Variants in ABL1 observed in about 807,000 individuals in gnomAD.
ABL1 encodes the protein tyrosine-protein kinase ABL1.
In ABL1, 11 loss-of-function variants were observed where a neutral mutation model predicts 94.7. The observed-to-expected ratio is 0.12, with a 90% CI of 0.07 to 0.19. ABL1 has a LOEUF of 0.19. Among genes scored for constraint, ABL1 ranks in the 10% least tolerant of loss-of-function variants. The pLI is 1.00. For synonymous variants in ABL1, 656 were observed against 622.4 expected (o/e 1.05, Z -0.80); for missense variants, 1,082 against 1,489.4 (o/e 0.73, Z 4.50).
intron 1 of ABL1, among the ~76,000 whole-genome samples, chr9:130,740,988 G>A (rs537597474): frequency 3.3e-5 from 5 of 152,132 alleles, no homozygotes; most frequent in Admixed American, 3.3e-4. Flanking sequence ...TGCATGGTGG[G>A]CTTAATGCCA....
intron 4 of ABL1, among the ~76,000 whole-genome samples, chr9:130,866,988 T>TAGA (rs1831168095): frequency 6.6e-6 from 1 of 152,228 alleles, no homozygotes; most frequent in Non-Finnish European, 1.5e-5. Flanking sequence ...GAGGCTGCAA[T>TAGA]TTTTTAATGA....
At chr9:130,773,840 A>G (rs1321164337) in intron 1 of ABL1, among the ~76,000 whole-genome samples, 1 of 152,106 alleles carries the variant, frequency 6.6e-6, no homozygotes, top group Admixed American at 6.6e-5. Context: ...TATAAAGTAT[A>G]CAATTTGATA....
intron 1 of ABL1, among the ~76,000 whole-genome samples, chr9:130,808,375 C>G (rs1830159243): frequency 6.6e-6 from 1 of 151,914 alleles, no homozygotes. Flanking sequence ...TCCCGAGTAA[C>G]TGGGACTACA....
At chr9:130,830,343 C>T (rs1830479643), upstream of ABL1, among the ~76,000 whole-genome samples, 2 of 152,204 alleles carry the variant, frequency 1.3e-5, no homozygotes, top group South Asian at 4.1e-4. Context: ...GAAGGACAGT[C>T]ATCTGTGCAG....
At chr9:130,721,421 T>C (rs570581401) in intron 1 of ABL1, among the ~76,000 whole-genome samples, 78 of 151,182 alleles carry the variant, frequency 5.2e-4, no homozygotes, top group African/African-American at 1.7e-3. Context: ...CTTAAAATTA[T>C]ACTAAGGCCA....
chr9:130,762,366 A>C (rs956196655), intron 1 of ABL1, among the ~76,000 whole-genome samples: 1 of 152,174 alleles, frequency 6.6e-6, no homozygotes, highest in African/African-American at 2.4e-5. Context: ...AATATAAAAC[A>C]TGGTAATTTT....
intron 1 of ABL1, among the ~76,000 whole-genome samples, chr9:130,779,118 G>T (rs1325565973): frequency 6.6e-6 from 1 of 152,198 alleles, no homozygotes; most frequent in Non-Finnish European, 1.5e-5. Context: ...CTTAGAATCA[G>T]TTTCTAATTA....
intron 1 of ABL1, among the ~76,000 whole-genome samples, chr9:130,796,766 TAAAA>T (rs11397002): frequency 2.0e-5 from 3 of 146,762 alleles, no homozygotes; most frequent in Non-Finnish European, 4.5e-5. Flanking sequence ...TGCCTTTTGT[TAAAA>T]AAAAAACAAA....
chr9:130,834,272 C>T (rs1186245697), upstream of ABL1, among the ~76,000 whole-genome samples: 2 of 152,188 alleles, frequency 1.3e-5, no homozygotes, highest in Admixed American at 1.3e-4. Context: ...AAACTTCCCC[C>T]TTTACAGTTT....
chr9:130,753,656 C>T (rs1831998495), intron 1 of ABL1, among the ~76,000 whole-genome samples: 1 of 151,250 alleles, frequency 6.6e-6, no homozygotes, highest in Non-Finnish European at 1.5e-5. Context: ...GAATTCCTGA[C>T]CTCAAGTTAT....
chr9:130,801,748 C>T (rs759374349), intron 1 of ABL1, among the ~76,000 whole-genome samples: 7 of 152,060 alleles, frequency 4.6e-5, no homozygotes, highest in African/African-American at 7.2e-5. Flanking sequence ...TCATGTGTTC[C>T]GATGAGAAGT....
chr9:130,737,787 C>T (rs1259733968), intron 1 of ABL1, among the ~76,000 whole-genome samples: 2 of 151,818 alleles, frequency 1.3e-5, no homozygotes, highest in African/African-American at 4.8e-5. Flanking sequence ...ACTGTTTGCC[C>T]CCTTTGCCTG....
At chr9:130,786,507 C>A (rs761952719) in intron 1 of ABL1, among the ~76,000 whole-genome samples, 3 of 152,092 alleles carry the variant, frequency 2.0e-5, no homozygotes, top group Non-Finnish European at 4.4e-5. Context: ...TTAAATTTTC[C>A]CTATTGAAAT....
At chr9:130,876,087 A>G (rs1163687190) in intron 7 of ABL1, among the ~76,000 whole-genome samples, 1 of 152,160 alleles carries the variant, frequency 6.6e-6, no homozygotes, top group Non-Finnish European at 1.5e-5. Context: ...CGGCCTCCCA[A>G]AGTGCTGGGA....
chr9:130,750,597 A>G (rs1334871396), intron 1 of ABL1, among the ~76,000 whole-genome samples: 1 of 147,964 alleles, frequency 6.8e-6, no homozygotes, highest in Non-Finnish European at 1.5e-5. Flanking sequence ...GATTACAGAC[A>G]TGAGCACCTG....
At chr9:130,746,255 G>T (rs1201240629) in intron 1 of ABL1, among the ~76,000 whole-genome samples, 1 of 150,946 alleles carries the variant, frequency 6.6e-6, no homozygotes, top group Non-Finnish European at 1.5e-5. Context: ...AATGCCTTTT[G>T]GGGGGTAGGT....
chr9:130,745,350 C>T (rs1831875307), intron 1 of ABL1, among the ~76,000 whole-genome samples: 1 of 151,976 alleles, frequency 6.6e-6, no homozygotes, highest in South Asian at 2.1e-4. Flanking sequence ...TCCCAAAGTG[C>T]TGGGATTACA....
intron 3 of ABL1, among the ~76,000 whole-genome samples, chr9:130,859,348 G>A (rs1283821254): frequency 6.6e-6 from 1 of 152,214 alleles, no homozygotes; most frequent in African/African-American, 2.4e-5. Context: ...TTGCAGGAAG[G>A]GACCATTTAC....
intron 1 of ABL1, among the ~76,000 whole-genome samples, chr9:130,821,173 GC>G (rs1195539007): frequency 6.6e-6 from 1 of 151,894 alleles, no homozygotes; most frequent in Non-Finnish European, 1.5e-5. Flanking sequence ...CTCATGATCC[GC>G]CAGCCTCAGC....
Sources: allele counts gnomAD v4.1 joint callset (sites outside exome capture counted in the v4.1 genomes callset), GRCh38; gene constraint gnomAD v4.1.1; transcripts MANE v1.5; gene names NCBI Gene and HGNC (gene_info 2026-07-23, HGNC 2026-07-21).